The following CDH24 variants were observed in gnomAD, a reference collection of about 807,000 sequenced individuals.
The protein encoded by CDH24 is cadherin 24.
In CDH24, 61 loss-of-function variants were observed where a neutral mutation model predicts 71.2. That is an observed-to-expected ratio of 0.86 (90% confidence interval 0.70 to 1.06). The LOEUF (loss-of-function observed/expected upper bound fraction) is 1.06, where lower values mean the gene tolerates loss of function less well. Among genes scored for constraint, CDH24 ranks in the 50% least tolerant of loss-of-function variants. The pLI is 0.00. For synonymous variants in CDH24, 440 were observed against 470.2 expected, an observed-to-expected ratio of 0.94 and a Z score of 0.83; for missense variants, 961 against 1,083.7, an observed-to-expected ratio of 0.89 and a Z score of 1.59.
At position 23,054,717 on chromosome 14, in the gene CDH24, C is replaced by A; in HGVS notation, c.616+30G>T. The A allele has an allele frequency of 6.2e-7, 1 of 1,613,994 alleles. No homozygotes were observed. The highest frequency in any genetic ancestry group is 1.3e-5 in the African/African-American group (1 of 74,984). On this transcript the variant is annotated intron_variant, in intron 4 of 12. Transcript: ENST00000487137. The surrounding 1 kb of genome is among the most constrained non-coding windows in gnomAD (Gnocchi z 5.2). ...CAGAGGGTGTCTGTCCCCTTGGCTG[C>A]CCCACCGGGCTCCCAGGCTCCATCC...
rs374685642 is a variant in CDH24 at position 23,049,617 on chromosome 14, G to A, written c.1597+10C>T. On this transcript the variant is annotated intron_variant, in intron 10 of 12. Transcript: ENST00000487137. ...GGCAGGTATGGACATGGCTGTAGGA[G>A]GCCACCTACCTCGGTTGTCCTGGAC... 3 of 1,473,222 alleles carry A rather than the reference G, an allele frequency of 2.0e-6. No homozygotes were observed. The highest frequency in any genetic ancestry group is 2.8e-6 in the Non-Finnish European group (3 of 1,080,456). The allele number at this position is 1,473,222 out of a possible 1,614,324, so 91.3% of individuals were successfully genotyped here.
intron 7 of CDH24, among the ~76,000 whole-genome samples, 168 bp from the exon 8 acceptor site, chr14:23,052,777 T>C (rs1660684433): frequency 6.6e-6 from 1 of 151,998 alleles, no homozygotes; most frequent in Non-Finnish European, 1.5e-5. Flanking sequence ...CCCTGGGGGA[T>C]CACCACCATT....
chr14:23,056,720 C>T lies in CDH24; in HGVS notation c.-125+683G>A, dbSNP rs551694016. 5.3e-5 allele frequency among the ~76,000 whole-genome samples: 8 copies of T among 152,226 alleles called. No individual in the cohort carries two copies. In the South Asian group the frequency reaches 1.5e-3, roughly 28 times the overall value. ...AGACCTCAGCTTCGGGGGTGTCAAG[C>T]CAGGCCTCGGGAACTTAATTCTGGG... On this transcript the variant is annotated intron_variant, in intron 1 of 12. Coordinates refer to ENST00000487137, the MANE Select transcript of CDH24 (RefSeq NM_144985.4).
Position 23,055,706 on chromosome 14 carries a change from C to T in CDH24, c.28G>A (p.Ala10Thr). Reference protein sequence around the residue: MWGLVRLLLAWLGGWGCMGR... With the variant: MWGLVRLLLTWLGGWGCMGR... ...ATGCAGCCCCAGCCACCCAGCCAGGCCAGCAGGAGCCTCACCAGGCCCCAC... is the reference window on the plus strand; with the variant it reads ...ATGCAGCCCCAGCCACCCAGCCAGGTCAGCAGGAGCCTCACCAGGCCCCAC... The change falls in exon 2 of 13, where the codon GCC (alanine) becomes ACC (threonine). Residue 10 changes from alanine to threonine, a missense_variant. By Grantham distance (58) the Ala-to-Thr change is moderately conservative. This residue lies in a region of CDH24 where 671 missense variants were observed against 810.9 expected (regional missense o/e 0.83). Transcript: ENST00000487137. The surrounding 1 kb of genome is among the most constrained non-coding windows in gnomAD (Gnocchi z 4.1). 6.3e-7 allele frequency: 1 copy of T among 1,594,110 alleles called. No homozygotes were observed. The highest frequency in any genetic ancestry group is 8.5e-7 in the Non-Finnish European group (1 of 1,174,180).
rs1419819219 is a variant in CDH24, at chr14:23,048,112, G to A, written c.2214C>T (p.Gly738=). Residue 738 remains glycine (G), a synonymous_variant, in exon 12 of 13, where the codon GGC becomes GGT. Coordinates refer to ENST00000487137, the MANE Select transcript of CDH24 (RefSeq NM_144985.4). Reference sequence around the variant, plus strand: ...TGCCGGAGCCCAGGGAGCTGAGGGAGCCGCAAGAGGAGCCGCGGCCCTCGT... The same window carrying A: ...TGCCGGAGCCCAGGGAGCTGAGGGAACCGCAAGAGGAGCCGCGGCCCTCGT... ...YGYEGRGSSC[G]SLSSLGSGSE... is the part of the protein sequence containing the mutation. The A allele has an allele frequency of 2.2e-5, 31 of 1,405,846 alleles. No individual in the cohort carries two copies. The highest frequency in any genetic ancestry group is 2.8e-5 in the Non-Finnish European group (30 of 1,085,656). The allele number at this position is 1,405,846 out of a possible 1,614,324, so 87.1% of individuals were successfully genotyped here.
chr14:23,055,217 G>C lies in CDH24; in HGVS notation c.338C>G (p.Ala113Gly), dbSNP rs775467867. The change falls in exon 3 of 13, where the codon GCG (alanine) becomes GGG (glycine). Residue 113 changes from alanine (A) to glycine (G), a missense_variant. Physicochemically the swap from Ala to Gly is moderately conservative, Grantham distance 60. Around this residue, in one of 2 missense-constraint regions of CDH24, gnomAD observed 671 missense variants for 810.9 expected, o/e 0.83. Coordinates refer to ENST00000487137, the MANE Select transcript of CDH24 (RefSeq NM_144985.4). This position sits in a 1 kb window ranked among gnomAD's most constrained non-coding sequence, Gnocchi z 4.1. ...VTKSLDREEK[A>G]QYVLLAQAVD... ...GGCTTGGGCCAGTAGCACATATTGC[G>C]CCTTTTCCTCCCGGTCAAGGCTCTT... 1.9e-6 allele frequency: 3 copies of C among 1,614,028 alleles called. No homozygotes were observed. The highest frequency in any genetic ancestry group is 1.7e-6 in the Non-Finnish European group (2 of 1,180,020).
intron 10 of CDH24, 90 bp from the exon 11 acceptor site, chr14:23,049,365 A>G: frequency 7.8e-7 from 1 of 1,280,610 alleles, no homozygotes; most frequent in Non-Finnish European, 1.1e-6. Context: ...CCATAGAGCC[A>G]GCCCCCCATA....
intron 8 of CDH24, among the ~76,000 whole-genome samples, chr14:23,050,392 G>A (rs2047077054): frequency 6.6e-6 from 1 of 152,114 alleles, no homozygotes; most frequent in Non-Finnish European, 1.5e-5. Context: ...CATAGTGAAT[G>A]TGGTGCCACA....
chr14:23,055,479 G>A lies in CDH24; in HGVS notation c.201+54C>T. The A allele has an allele frequency of 5.0e-6, 8 of 1,601,586 alleles. No homozygotes were observed. Among genetic ancestry groups the A allele is most frequent in the Non-Finnish European group, 6.0e-6 (7 of 1,171,936 alleles). ...TCATTGCAGAAGTGATGAAGTTGCA[G>A]GGCAGGGCCTGAGGGCTTGGTGTCA... On this transcript the variant is annotated intron_variant, in intron 2 of 12. Transcript: ENST00000487137. The surrounding 1 kb of genome is among the most constrained non-coding windows in gnomAD (Gnocchi z 4.1).
rs2047122248 is a variant in CDH24 at position 23,055,556 on chromosome 14, G to A, written c.178C>T (p.Pro60Ser). 1 of 1,613,888 alleles carries A rather than the reference G, an allele frequency of 6.2e-7. No homozygotes were observed. The highest frequency in any genetic ancestry group is 1.3e-5 in the African/African-American group (1 of 74,914). The change falls in exon 2 of 13, where the codon CCA (proline) becomes TCA (serine). Residue 60 changes from proline (P) to serine (S), a missense_variant. Physicochemically the swap from Pro to Ser is moderately conservative, Grantham distance 74 (BLOSUM62 -1). Transcript: ENST00000487137. This position sits in a 1 kb window ranked among gnomAD's most constrained non-coding sequence, Gnocchi z 4.1. ...ACCTTGCCAATGAGAACAGGCTCTGGACCAGCATATTCCTCAATGACAAAG... is the reference window on the plus strand; with the variant it reads ...ACCTTGCCAATGAGAACAGGCTCTGAACCAGCATATTCCTCAATGACAAAG... ...QFFVIEEYAG[P>S]EPVLIGKLHS...
Position 23,051,513 on chromosome 14 carries a change from G to A in CDH24, c.1363+960C>T, listed in dbSNP as rs140462097. On this transcript the variant is annotated intron_variant, in intron 8 of 12. Transcript: ENST00000487137. This position sits in a 1 kb window ranked among gnomAD's most constrained non-coding sequence, Gnocchi z 4.4. ...ACAAAACACATACAAACAGCTACAT[G>A]TGCATACCACTGTATATATCAATCA... Among the ~76,000 whole-genome samples, 1 of 152,248 alleles carries A rather than the reference G, an allele frequency of 6.6e-6. No homozygotes were observed. The highest frequency in any genetic ancestry group is 1.9e-4 in the East Asian group (1 of 5,192).
chr14:23,054,268 C>G lies in CDH24; in HGVS notation c.845G>C (p.Arg282Pro). The change falls in exon 6 of 13, where the codon CGG becomes CCG. Residue 282 changes from arginine to proline, a missense_variant. Coordinates refer to ENST00000487137, the MANE Select transcript of CDH24 (RefSeq NM_144985.4). This position sits in a 1 kb window ranked among gnomAD's most constrained non-coding sequence, Gnocchi z 5.2. ...AGPGTLVGRL[R>P]AQDPDLGDNA... The stretch of plus-strand genomic sequence containing the variant: ...GTCCCCCAGGTCTGGGTCCTGGGCC[C>G]GGAGCCGGCCCACCAGTGTGCCAGG... The G allele has an allele frequency of 1.2e-6, 2 of 1,613,166 alleles. No homozygotes were observed. The highest frequency in any genetic ancestry group is 1.7e-6 in the Non-Finnish European group (2 of 1,179,492).
chr14:23,049,731 T>A lies in CDH24; in HGVS notation c.1493A>T (p.Gln498Leu). 1 of 1,611,872 alleles carries A rather than the reference T, an allele frequency of 6.2e-7. No individual in the cohort carries two copies. Among genetic ancestry groups the A allele is most frequent in the Non-Finnish European group, 8.5e-7 (1 of 1,178,438 alleles). Residue 498 changes from glutamine (Q) to leucine (L), a missense_variant, in exon 10 of 13, where the codon CAG (glutamine) becomes CTG (leucine). By Grantham distance (113) the Gln-to-Leu change is moderately radical. Transcript: ENST00000487137. ...ATCTCTGTCCAGGGCCCGGATGACCTGAATCAGCTGGGAGGAAGAAGAGAG... is the reference window on the plus strand; with the variant it reads ...ATCTCTGTCCAGGGCCCGGATGACCAGAATCAGCTGGGAGGAAGAAGAGAG... ...CDSAAPGQLI[Q>L]VIRALDRDEV... is the part of the protein sequence containing the mutation.
chr14:23,048,304 C>T lies in CDH24; in HGVS notation c.2022G>A (p.Pro674=), dbSNP rs756509445. 6.3e-6 allele frequency: 10 copies of T among 1,598,402 alleles called. No individual in the cohort carries two copies. The highest frequency in any genetic ancestry group is 1.1e-5 in the South Asian group (1 of 89,912). Residue 674 remains proline (P), a synonymous_variant, in exon 12 of 13, where the codon CCG becomes CCA. Transcript: ENST00000487137. ...CTCGGCGCGCGGGAGGGCCGGGCGC[C>T]GGGGGGGCCGCCCCGTCCGGGTTCT... ...ALQNPDGAAP[P]APGPPARRDV...
chr14:23,052,315 G>C, intron 8 of CDH24, 158 bp downstream of exon 8: 1 of 862,296 alleles, frequency 1.2e-6, no homozygotes, highest in South Asian at 1.4e-5. Context: ...TCCAGGCTAG[G>C]ACTTGGATCC....
Position 23,054,451 on chromosome 14 carries a change from A to T in CDH24, c.784+55T>A. On this transcript the variant is annotated intron_variant, in intron 5 of 12. Coordinates refer to ENST00000487137, the MANE Select transcript of CDH24 (RefSeq NM_144985.4). The surrounding 1 kb of genome is among the most constrained non-coding windows in gnomAD (Gnocchi z 5.2). ...GCGAGGAGGGAAGGTTTCTCCAGAC[A>T]CTGTAGGGGTGGGGTGATCAAAGGA... 3 of 1,577,814 alleles carry T rather than the reference A, an allele frequency of 1.9e-6. No individual in the cohort carries two copies. Among genetic ancestry groups the T allele is most frequent in the Non-Finnish European group, 2.6e-6 (3 of 1,158,966 alleles).
In CDH24 at chr14:23,054,381, C is replaced by G; in HGVS notation, c.785-53G>C. ...CTCAGAGAGGTCCCCAGCCCTCCTC[C>G]CTCCCCACAGCACTTTATTCTCCCA... On this transcript the variant is annotated intron_variant, in intron 5 of 12. Transcript: ENST00000487137. This position sits in a 1 kb window ranked among gnomAD's most constrained non-coding sequence, Gnocchi z 5.2. 6.5e-7 allele frequency: 1 copy of G among 1,543,506 alleles called. No individual in the cohort carries two copies. Among genetic ancestry groups the G allele is most frequent in the Non-Finnish European group, 8.8e-7 (1 of 1,142,544 alleles).
Position 23,048,773 on chromosome 14 carries a change from G to C in CDH24, c.1846+254C>G, listed in dbSNP as rs146324559. 1.4e-3 allele frequency among the ~76,000 whole-genome samples: 219 copies of C among 152,290 alleles called. 1 individual carries two copies. The highest frequency in any genetic ancestry group is 6.8e-3 in the Middle Eastern group (2 of 294). On this transcript the variant is annotated intron_variant, in intron 11 of 12. Coordinates refer to ENST00000487137, the MANE Select transcript of CDH24 (RefSeq NM_144985.4). Reference sequence around the variant, plus strand: ...AATAAAATGAAATATCACAAGTGACGTGCCCAGCACTATACTTGGCACAGA... The same window carrying C: ...AATAAAATGAAATATCACAAGTGACCTGCCCAGCACTATACTTGGCACAGA...
chr14:23,049,383 C>A (rs11626296), intron 10 of CDH24, 108 bp from the exon 11 acceptor site: 213,629 of 1,058,106 alleles, frequency 0.2, 26,050 homozygotes, highest in Non-Finnish European at 0.23. Flanking sequence ...ATAGAGCCAG[C>A]CCATAGGTCC....
Sources: allele counts gnomAD v4.1 joint callset (sites outside exome capture counted in the v4.1 genomes callset), GRCh38; gene constraint gnomAD v4.1.1; regional missense constraint gnomAD v4.1.1; non-coding constraint Gnocchi (gnomAD v3.1); transcripts MANE v1.5; gene names NCBI Gene and HGNC (gene_info 2026-07-23, HGNC 2026-07-21).